The following RORA variants were observed in gnomAD, a reference collection of about 807,000 sequenced individuals.
RORA encodes RAR related orphan receptor A.
In RORA, 7 loss-of-function variants were observed where a neutral mutation model predicts 69.5. The ratio of observed to expected loss-of-function variants is 0.10; its 90% CI spans 0.06 to 0.19. RORA has a LOEUF of 0.19. Ranked by LOEUF, RORA falls within the 10% of genes least tolerant of loss-of-function variation. RORA has a pLI of 1.00. For synonymous variants in RORA, 261 were observed against 240.8 expected, an observed-to-expected ratio of 1.08 and a Z score of -0.78; for missense variants, 457 against 663.0, an observed-to-expected ratio of 0.69 and a Z score of 3.41.
intron 1 of RORA, among the ~76,000 whole-genome samples, chr15:60,813,394 G>A (rs1403689447): frequency 6.6e-6 from 1 of 152,168 alleles, no homozygotes; most frequent in African/African-American, 2.4e-5. Flanking sequence ...GGCTGTGTTT[G>A]CTCACGTCCC....
intron 1 of RORA, among the ~76,000 whole-genome samples, chr15:60,944,893 A>C (rs903213974): frequency 2.5e-4 from 38 of 152,142 alleles, no homozygotes; most frequent in African/African-American, 8.9e-4. Flanking sequence ...CTGACTTCCC[A>C]CTGACTGACC....
At chr15:60,603,988 A>G (rs2068881858) in intron 2 of RORA, among the ~76,000 whole-genome samples, 8 of 151,870 alleles carry the variant, frequency 5.3e-5, no homozygotes, top group Admixed American at 5.2e-4. Context: ...TACAAAAGAA[A>G]TTAGCCGGGC....
rs541651417 is a variant in RORA, at chr15:61,150,044, T to A, written c.166+79009A>T. On this transcript the variant is annotated intron_variant, in intron 1 of 10. Coordinates refer to ENST00000335670, the MANE Select transcript of RORA (RefSeq NM_134261.3). ...AATGTCATATGGTTTTTAAGATAAGTATCATTGGTTTTCAAAGAGTACTAC... is the reference window on the plus strand; with the variant it reads ...AATGTCATATGGTTTTTAAGATAAGAATCATTGGTTTTCAAAGAGTACTAC... Among the ~76,000 whole-genome samples, 5 of 152,130 alleles carry A rather than the reference T, an allele frequency of 3.3e-5. No individual in the cohort carries two copies. The South Asian group carries it at 1.0e-3, about 32-fold the overall frequency.
intron 2 of RORA, among the ~76,000 whole-genome samples, chr15:60,640,182 CACT>C (rs2069917750): frequency 6.6e-6 from 1 of 152,204 alleles, no homozygotes. Context: ...AAGTACATGG[CACT>C]ACTAAGTGCT....
rs144409994 is a variant in RORA, at chr15:61,151,976, A to G, written c.166+77077T>C. Among the ~76,000 whole-genome samples, 541 of 152,270 alleles carry G rather than the reference A, an allele frequency of 3.6e-3. 4 individuals carry two copies. Among genetic ancestry groups the G allele is most frequent in the Middle Eastern group, 0.02 (6 of 294 alleles). ...CCACTGTGCTCTAGAGTTGTGGAAA[A>G]TCGTTGTTCCCCTTTCTCCATGAAG... On this transcript the variant is annotated intron_variant, in intron 1 of 10. Coordinates refer to ENST00000335670, the MANE Select transcript of RORA (RefSeq NM_134261.3).
At chr15:60,592,356 C>G (rs2068551583) in intron 2 of RORA, 3 of 1,393,304 alleles carry the variant, frequency 2.2e-6, no homozygotes, top group Non-Finnish European at 1.9e-6. Flanking sequence ...GCCGCCAGCC[C>G]ACCCGGCCCC....
At chr15:60,502,325 T>C (rs2065356461) in intron 8 of RORA, among the ~76,000 whole-genome samples, 1 of 152,248 alleles carries the variant, frequency 6.6e-6, no homozygotes, top group Non-Finnish European at 1.5e-5. Flanking sequence ...CACTTAACTG[T>C]AACTTTTATT....
At chr15:60,743,993 G>A (rs2071613464) in intron 1 of RORA, among the ~76,000 whole-genome samples, 1 of 151,842 alleles carries the variant, frequency 6.6e-6, no homozygotes, top group Non-Finnish European at 1.5e-5. Flanking sequence ...CACAGGAGGG[G>A]AAATGCTAGA....
intron 2 of RORA, among the ~76,000 whole-genome samples, chr15:60,628,942 G>GCC (rs2069661215): frequency 6.6e-6 from 1 of 152,182 alleles, no homozygotes; most frequent in African/African-American, 2.4e-5. Flanking sequence ...GCCCGTTTTA[G>GCC]TTCTCAAGCA....
At chr15:60,687,665 A>G (rs2070768234) in intron 1 of RORA, among the ~76,000 whole-genome samples, 1 of 152,212 alleles carries the variant, frequency 6.6e-6, no homozygotes, top group African/African-American at 2.4e-5. Flanking sequence ...GAGGCACAAG[A>G]ATCACTTGAA....
At chr15:61,077,933 T>C (rs936933444) in intron 1 of RORA, among the ~76,000 whole-genome samples, 1 of 152,136 alleles carries the variant, frequency 6.6e-6, no homozygotes, top group Non-Finnish European at 1.5e-5. Flanking sequence ...ACCACTTTTG[T>C]CTTCTGTTCT....
At chr15:60,858,398 C>T (rs1483520760) in intron 1 of RORA, among the ~76,000 whole-genome samples, 1 of 152,154 alleles carries the variant, frequency 6.6e-6, no homozygotes, top group Non-Finnish European at 1.5e-5. Flanking sequence ...AGACAGGACA[C>T]ATGCAGTGAA....
At chr15:60,911,851 C>G (rs1422675074) in intron 1 of RORA, among the ~76,000 whole-genome samples, 1 of 133,022 alleles carries the variant, frequency 7.5e-6, no homozygotes, top group East Asian at 2.4e-4. Flanking sequence ...AGACGTGCAC[C>G]TGGCTAAGTT....
At chr15:60,723,590 C>G (rs2071319960) in intron 1 of RORA, among the ~76,000 whole-genome samples, 1 of 152,080 alleles carries the variant, frequency 6.6e-6, no homozygotes, top group African/African-American at 2.4e-5. Flanking sequence ...GCAAATAATC[C>G]TCCCTGGAGG....
chr15:60,802,648 C>G (rs2072601863), intron 1 of RORA, among the ~76,000 whole-genome samples: 1 of 152,126 alleles, frequency 6.6e-6, no homozygotes, highest in Non-Finnish European at 1.5e-5. Flanking sequence ...ATGTGCATGT[C>G]ACGAGCCTGG....
At chr15:60,858,277 G>C (rs1169148279) in intron 1 of RORA, among the ~76,000 whole-genome samples, 1 of 152,162 alleles carries the variant, frequency 6.6e-6, no homozygotes, top group East Asian at 1.9e-4. Context: ...AGGATAGGTG[G>C]AAGGCTTGTG....
chr15:60,533,512 G>A (rs554233978), intron 2 of RORA, among the ~76,000 whole-genome samples: 1 of 152,302 alleles, frequency 6.6e-6, no homozygotes, highest in South Asian at 2.1e-4. Context: ...ATCTAATAAT[G>A]TCTCATACTG....
At chr15:61,053,465 G>C (rs1389906614) in intron 1 of RORA, among the ~76,000 whole-genome samples, 1 of 152,008 alleles carries the variant, frequency 6.6e-6, no homozygotes, top group Non-Finnish European at 1.5e-5. Context: ...GAGAAGGCAC[G>C]GGGTTGTGAA....
At chr15:60,672,540 A>G (rs2070489410) in intron 2 of RORA, among the ~76,000 whole-genome samples, 1 of 152,220 alleles carries the variant, frequency 6.6e-6, no homozygotes, top group Non-Finnish European at 1.5e-5. Context: ...CCCCACAAGT[A>G]TTAGTTAATG....
Sources: allele counts gnomAD v4.1 joint callset (sites outside exome capture counted in the v4.1 genomes callset), GRCh38; gene constraint gnomAD v4.1.1; transcripts MANE v1.5; gene names NCBI Gene and HGNC (gene_info 2026-07-23, HGNC 2026-07-21).